Variants in GBA1 observed in about 807,000 individuals in gnomAD.
GBA1 encodes lysosomal acid glucosylceramidase.
At chr1:155,236,105 G>C in the GBA1 span, 1 of 828,496 alleles carries the variant, frequency 1.2e-6, no homozygotes, top group Non-Finnish European at 2.0e-6. Context: ...GGGAAGATAG[G>C]GAATCATGGT....
the GBA1 span, chr1:155,235,269 G>C: frequency 7.4e-6 from 12 of 1,613,818 alleles, no homozygotes; most frequent in Non-Finnish European, 9.3e-6. Flanking sequence ...TCTTCTGACT[G>C]GCAACCAGCC....
chr1:155,239,623 AG>A, the GBA1 span: 1 of 1,614,220 alleles, frequency 6.2e-7, no homozygotes, highest in Non-Finnish European at 8.5e-7. Context: ...CACCTTCTTC[AG>A]AGAAGTACGA....
chr1:155,235,964 T>G, the GBA1 span: 2 of 1,135,462 alleles, frequency 1.8e-6, no homozygotes, highest in African/African-American at 3.1e-5. Context: ...GAGGGGCACA[T>G]TCCTTAGTAG....
the GBA1 span, among the ~76,000 whole-genome samples, chr1:155,240,923 C>T: frequency 1.3e-5 from 2 of 152,180 alleles, no homozygotes; most frequent in East Asian, 3.8e-4. Flanking sequence ...ATGCTCCCCA[C>T]CACTCTTCCC....
the GBA1 span, among the ~76,000 whole-genome samples, chr1:155,240,931 C>T: frequency 6.6e-6 from 1 of 152,168 alleles, no homozygotes; most frequent in Admixed American, 6.5e-5. Context: ...CACCACTCTT[C>T]CCACCCATTT....
At chr1:155,243,817 G>C in the GBA1 span, among the ~76,000 whole-genome samples, 1 of 151,558 alleles carries the variant, frequency 6.6e-6, no homozygotes, top group African/African-American at 2.4e-5. Context: ...CTGTCACCCA[G>C]GCTGGAGTGC....
chr1:155,237,458 A>C, the GBA1 span: 289 of 1,613,960 alleles, frequency 1.8e-4, 1 homozygote, highest in Middle Eastern at 9.9e-4. Context: ...AGTCTCGCTG[A>C]TGTTCAGGGG....
the GBA1 span, chr1:155,239,865 G>T: frequency 1.2e-6 from 2 of 1,614,082 alleles, no homozygotes; most frequent in South Asian, 2.2e-5. Flanking sequence ...TGGCCCAGGG[G>T]GTGAGGGGTG....
chr1:155,235,801 G>A, the GBA1 span: 3 of 1,614,260 alleles, frequency 1.9e-6, no homozygotes, highest in Non-Finnish European at 2.5e-6. Context: ...GGGGTTCAGG[G>A]CAAGGTTCCA....
chr1:155,236,996 C>G, the GBA1 span, among the ~76,000 whole-genome samples: 1 of 151,842 alleles, frequency 6.6e-6, no homozygotes, highest in South Asian at 2.1e-4. Context: ...TCCTGAGTAG[C>G]TGGGATTACA....
At chr1:155,243,938 A>G in the GBA1 span, among the ~76,000 whole-genome samples, 1 of 151,930 alleles carries the variant, frequency 6.6e-6, no homozygotes, top group Non-Finnish European at 1.5e-5. Flanking sequence ...CCCAACCCCG[A>G]CGCTCGTCGC....
chr1:155,241,185 A>T, the GBA1 span: 5 of 1,477,644 alleles, frequency 3.4e-6, no homozygotes, highest in Non-Finnish European at 4.7e-6. Flanking sequence ...GATCCACTAA[A>T]CAAAAACAAG....
At chr1:155,239,204 C>T in the GBA1 span, among the ~76,000 whole-genome samples, 3 of 145,804 alleles carry the variant, frequency 2.1e-5, no homozygotes, top group Non-Finnish European at 4.5e-5. Flanking sequence ...GGTGACAGTG[C>T]GAGACTCTGT....
At chr1:155,239,560 AAAG>A in the GBA1 span, 1 of 1,604,716 alleles carries the variant, frequency 6.2e-7, no homozygotes, top group Non-Finnish European at 8.5e-7. Context: ...TAAAAAAAGA[AAAG>A]AAAAACGAAA....
the GBA1 span, chr1:155,236,195 G>T: frequency 9.0e-5 from 133 of 1,484,806 alleles, no homozygotes; most frequent in Non-Finnish European, 1.2e-4. Flanking sequence ...GGTGAAACTA[G>T]TAAGAGGTCT....
the GBA1 span, among the ~76,000 whole-genome samples, chr1:155,239,217 CAA>C: frequency 1.1e-4 from 13 of 116,898 alleles, 1 homozygote; most frequent in East Asian, 4.8e-4. Context: ...GACTCTGTCT[CAA>C]AAAAAAAAAA....
the GBA1 span, chr1:155,239,581 A>G: frequency 1.8e-4 from 288 of 1,613,242 alleles, 1 homozygote; most frequent in African/African-American, 3.1e-3. Flanking sequence ...AAAAGTTTCA[A>G]TGGCTCTATG....
the GBA1 span, chr1:155,239,536 C>T: frequency 1.3e-6 from 2 of 1,498,226 alleles, no homozygotes; most frequent in Admixed American, 3.6e-5. Context: ...TGAGATTCTG[C>T]CTCAAAAAAA....
At chr1:155,244,110 T>C in the GBA1 span, 2 of 152,362 alleles carry the variant, frequency 1.3e-5, no homozygotes, top group Admixed American at 1.3e-4. Context: ...AAAATAATAA[T>C]GATGGTTGGC....
Sources: allele counts gnomAD v4.1 joint callset (sites outside exome capture counted in the v4.1 genomes callset), GRCh38; gene constraint gnomAD v4.1.1; transcripts MANE v1.5; gene names NCBI Gene and HGNC (gene_info 2026-07-23, HGNC 2026-07-21).